Variants in NPC1L1 observed in about 807,000 individuals in gnomAD.
NPC1L1 encodes NPC1-like intracellular cholesterol transporter 1.
Under a neutral mutation model 117.0 loss-of-function variants are expected in NPC1L1, and 98 were observed. That is an observed-to-expected ratio of 0.84 (90% CI 0.71 to 0.99). The LOEUF is 0.99. NPC1L1 is among the 50% of genes least tolerant of loss of function. The pLI is 0.00. For synonymous variants in NPC1L1, 729 were observed against 727.6 expected (o/e 1.00, Z -0.03); for missense variants, 1,540 against 1,710.0 (o/e 0.90, Z 1.75).
chr7:44,526,546 C>CAAAAAAAA (rs372498105), intron 10 of NPC1L1, among the ~76,000 whole-genome samples: 3 of 68,348 alleles, frequency 4.4e-5, no homozygotes, highest in African/African-American at 2.1e-4. Context: ...GACTCCATCT[C>CAAAAAAAA]AAAAAAAAAA....
In NPC1L1 at chr7:44,539,097, C is replaced by T. The variant is rs114375162; in HGVS notation, c.1300G>A (p.Gly434Arg). The change falls in exon 2 of 19, where the codon GGA (glycine) becomes AGA (arginine). Residue 434 changes from glycine to arginine, a missense_variant. Physicochemically the swap from Gly to Arg is moderately radical, Grantham distance 125. This residue lies in a region of NPC1L1 where 793 missense variants were observed against 820.4 expected (regional missense o/e 0.97). Transcript: ENST00000381160. This position sits in a 1 kb window ranked among gnomAD's most constrained non-coding sequence, Gnocchi z 4.4. ...SLLLGPKNFS[G>R]ILDLDLLLEL... The stretch of plus-strand genomic sequence containing the variant: ...AGCAGCAAGTCCAGGTCCAGGATTC[C>T]GCTGAAGTTCTTGGGCCCCAGCAGC... 75 of 1,614,040 alleles carry T rather than the reference C, an allele frequency of 4.6e-5. 1 individual carries two copies. Among genetic ancestry groups the T allele is most frequent in the East Asian group, 3.6e-4 (16 of 44,874 alleles).
chr7:44,532,128 T>C lies in NPC1L1; in HGVS notation c.2499A>G (p.Gln833=). 5 of 1,614,028 alleles carry C rather than the reference T, an allele frequency of 3.1e-6. No homozygotes were observed. The highest frequency in any genetic ancestry group is 4.2e-6 in the Non-Finnish European group (5 of 1,180,000). Residue 833 remains glutamine, a synonymous_variant, in exon 9 of 19, where the codon CAA becomes CAG. Transcript: ENST00000381160. The stretch of plus-strand genomic sequence containing the variant: ...GCAGCAGGAAGGGGGCATAAGCCTT[T>C]TGGAAGAAGCCAAGCAGGAGCCCCT... ...QGEGLLLGFF[Q]KAYAPFLLHW...
chr7:44,540,579 C>A (rs1277006472), intron 1 of NPC1L1, among the ~76,000 whole-genome samples: 2 of 152,048 alleles, frequency 1.3e-5, no homozygotes, highest in Non-Finnish European at 2.9e-5. Flanking sequence ...GAAAGTCATG[C>A]TGGAGAGGCC....
At chr7:44,529,689 T>G (rs1801636642) in intron 10 of NPC1L1, among the ~76,000 whole-genome samples, 1 of 151,082 alleles carries the variant, frequency 6.6e-6, no homozygotes. Flanking sequence ...AAAAAATAAA[T>G]ATTGTATGAG....
Position 44,531,775 on chromosome 7 carries a change from G to A in NPC1L1, c.2617C>T (p.Gln873Ter). Reference protein sequence around the residue: ...SMCHISVGLDQELALPKDSYL... With the variant: ...SMCHISVGLD ...CTCACCTTGGGCAGGGCCAGCTCCT[G>A]GTCCAGTCCCACGCTGATGTGGCAC... is the stretch of plus-strand genomic sequence containing the variant. The change falls in exon 10 of 19, where the codon CAG (glutamine) becomes TAG (stop). Residue 873 changes from glutamine (Q) to a stop codon, truncating the protein, a stop_gained. Coordinates refer to ENST00000381160, the MANE Select transcript of NPC1L1 (RefSeq NM_001101648.2). LOFTEE classifies it high-confidence loss of function. The A allele has an allele frequency of 1.3e-6, 2 of 1,582,476 alleles. No individual in the cohort carries two copies. Among genetic ancestry groups the A allele is most frequent in the South Asian group, 1.2e-5 (1 of 86,128 alleles).
rs1801955521 is a variant in NPC1L1 at position 44,538,112 on chromosome 7, C to A, written c.1580+705G>T. ...ATTTGCCCCTTTTAACTCTCATTTG[C>A]TCTGGAGTATGGAGTACTAAACGTT... is the stretch of plus-strand genomic sequence containing the variant. On this transcript the variant is annotated intron_variant, in intron 2 of 18. Transcript: ENST00000381160. The surrounding 1 kb of genome is among the most constrained non-coding windows in gnomAD (Gnocchi z 5.9). Among the ~76,000 whole-genome samples the A allele has an allele frequency of 6.6e-6, 1 of 152,252 alleles. No homozygotes were observed. Among genetic ancestry groups the A allele is most frequent in the South Asian group, 2.1e-4 (1 of 4,836 alleles).
intron 10 of NPC1L1, among the ~76,000 whole-genome samples, chr7:44,530,852 G>A (rs1801673797): frequency 6.6e-6 from 1 of 152,086 alleles, no homozygotes; most frequent in African/African-American, 2.4e-5. Flanking sequence ...TCCCTCACCT[G>A]GCTTCCAGGA....
rs117124763 is a variant in NPC1L1 at position 44,517,433 on chromosome 7, G to T, written c.3137-76C>A. 5.4e-4 allele frequency: 830 copies of T among 1,546,956 alleles called. 5 individuals are homozygous for T. In the East Asian group the frequency reaches 0.014, roughly 27 times the overall value. On this transcript the variant is annotated intron_variant, in intron 14 of 18. Transcript: ENST00000381160. ...TCCAGGACAACTTCAGAACACCGCAGACGCAGTGGCACAGGCATGTGATCA... is the reference window on the plus strand; with the variant it reads ...TCCAGGACAACTTCAGAACACCGCATACGCAGTGGCACAGGCATGTGATCA...
In NPC1L1 at chr7:44,536,503, C is replaced by T. The variant is rs1801898240; in HGVS notation, c.1682-75G>A. 3 of 1,509,040 alleles carry T rather than the reference C, an allele frequency of 2.0e-6. No individual in the cohort carries two copies. In the East Asian group the frequency reaches 6.8e-5, roughly 34 times the overall value. 93.5% of individuals were successfully genotyped at this position (1,509,040 alleles called of 1,614,324 possible). On this transcript the variant is annotated intron_variant, in intron 3 of 18. Transcript: ENST00000381160. The surrounding 1 kb of genome is among the most constrained non-coding windows in gnomAD (Gnocchi z 4.7). Reference sequence around the variant, plus strand: ...CCCCTCCAGCTGCACCCCTATATTCCCTCCCCCTATCTAGCTGCACCCCTC... The same window carrying T: ...CCCCTCCAGCTGCACCCCTATATTCTCTCCCCCTATCTAGCTGCACCCCTC...
At chr7:44,532,679 C>T (rs1232014730) in intron 8 of NPC1L1, among the ~76,000 whole-genome samples, 1 of 152,194 alleles carries the variant, frequency 6.6e-6, no homozygotes, top group Non-Finnish European at 1.5e-5. Flanking sequence ...CTAACATTTT[C>T]TTTTTTCTTG....
At position 44,539,370 on chromosome 7, in the gene NPC1L1, C is replaced by T. The variant is rs1230434517; in HGVS notation, c.1027G>A (p.Gly343Ser). Residue 343 changes from glycine to serine, a missense_variant, in exon 2 of 19, where the codon GGC (glycine) becomes AGC (serine). Physicochemically the swap from Gly to Ser is moderately conservative, Grantham distance 56 (BLOSUM62 0). Transcript: ENST00000381160. The surrounding 1 kb of genome is among the most constrained non-coding windows in gnomAD (Gnocchi z 4.4). Reference protein sequence around the residue: ...THTLLGQFFQGWGTWVASWPL... With the variant: ...THTLLGQFFQSWGTWVASWPL... ...CACGAAGCCACCCACGTGCCCCAGC[C>T]CTGGAAGAACTGGCCAAGGAGGGTG... 1.9e-6 allele frequency: 3 copies of T among 1,613,650 alleles called. No homozygotes were observed. The highest frequency in any genetic ancestry group is 2.5e-6 in the Non-Finnish European group (3 of 1,179,638).
chr7:44,522,724 C>T (rs1285318117), intron 10 of NPC1L1, among the ~76,000 whole-genome samples: 2 of 152,172 alleles, frequency 1.3e-5, no homozygotes, highest in Non-Finnish European at 2.9e-5. Flanking sequence ...TACACTTATG[C>T]AGGTACAAAC....
In NPC1L1 at chr7:44,534,752, G is replaced by T; in HGVS notation, c.1984-123C>A. 1 of 925,432 alleles carries T rather than the reference G, an allele frequency of 1.1e-6. No individual in the cohort carries two copies. The highest frequency in any genetic ancestry group is 1.7e-6 in the Non-Finnish European group (1 of 603,052). The allele number at this position is 925,432 out of a possible 1,614,324, so 57.3% of individuals were successfully genotyped here. ...TCAGTGCCTGCAGGTGCCCGATACT[G>T]CCCCCAGTGGTGAGGAGCTCACATC... is the stretch of plus-strand genomic sequence containing the variant. On this transcript the variant is annotated intron_variant, in intron 5 of 18. Transcript: ENST00000381160. The surrounding 1 kb of genome is among the most constrained non-coding windows in gnomAD (Gnocchi z 5.2).
chr7:44,533,526 A>C lies in NPC1L1; in HGVS notation c.2314T>G (p.Phe772Val). The C allele has an allele frequency of 6.2e-7, 1 of 1,614,204 alleles. No individual in the cohort carries two copies. Among genetic ancestry groups the C allele is most frequent in the South Asian group, 1.1e-5 (1 of 91,080 alleles). Residue 772 changes from phenylalanine to valine, a missense_variant, in exon 8 of 19, where the codon TTT (phenylalanine) becomes GTT (valine). This residue lies in a region of NPC1L1 where 742 missense variants were observed against 873.6 expected (regional missense o/e 0.85). Transcript: ENST00000381160. ...ACTGCAAGGCCAGAGGTCAGGGCAA[A>C]GGTCCGCACAGCTGGCATGGGGGTC... ...ALTPMPAVRT[F>V]ALTSGLAVIL...
rs1160765047 is a variant in NPC1L1 at position 44,513,638 on chromosome 7, T to G, written c.3808A>C (p.Asn1270His). 1 of 1,613,006 alleles carries G rather than the reference T, an allele frequency of 6.2e-7. No homozygotes were observed. Among genetic ancestry groups the G allele is most frequent in the South Asian group, 1.1e-5 (1 of 91,024 alleles). The part of the protein sequence containing the change: ...VILSYVGPDV[N>H]PALALEQKRA... Reference sequence around the variant, plus strand: ...TTCTGCTCCAGTGCCAGAGCCGGGTTAACGTCAGGCCCTGCGGAGAGACAG... The same window carrying G: ...TTCTGCTCCAGTGCCAGAGCCGGGTGAACGTCAGGCCCTGCGGAGAGACAG... Residue 1270 changes from asparagine to histidine, a missense_variant, in exon 19 of 19, where the codon AAC (asparagine) becomes CAC (histidine). Physicochemically the swap from Asn to His is moderately conservative, Grantham distance 68 (BLOSUM62 1). Around this residue, in one of 3 missense-constraint regions of NPC1L1, gnomAD observed 742 missense variants for 873.6 expected, o/e 0.85. Transcript: ENST00000381160.
intron 10 of NPC1L1, among the ~76,000 whole-genome samples, chr7:44,523,765 G>C (rs1255141830): frequency 6.6e-6 from 1 of 152,192 alleles, no homozygotes; most frequent in African/African-American, 2.4e-5. Context: ...TACTCAGGAG[G>C]CTGAAATAGG....
At chr7:44,529,629 C>T (rs1314612852) in intron 10 of NPC1L1, among the ~76,000 whole-genome samples, 3 of 151,918 alleles carry the variant, frequency 2.0e-5, no homozygotes, top group African/African-American at 7.2e-5. Context: ...CTGCCTGCCT[C>T]AGCCTCCCAA....
At chr7:44,517,068 G>C (rs1291458924) in intron 15 of NPC1L1, 134 bp from the exon 16 acceptor site, 1 of 1,441,176 alleles carries the variant, frequency 6.9e-7, no homozygotes, top group Non-Finnish European at 9.7e-7. Context: ...CTAAGAAATA[G>C]GCCCAAGGCT....
chr7:44,527,710 G>T (rs987152231), intron 10 of NPC1L1, among the ~76,000 whole-genome samples: 1 of 151,842 alleles, frequency 6.6e-6, no homozygotes, highest in Non-Finnish European at 1.5e-5. Context: ...CCTGGCAAAG[G>T]TAAATAAATG....
Sources: gnomAD v4.1 joint callset for allele counts (sites outside exome capture counted in the v4.1 genomes callset) on GRCh38, gnomAD v4.1.1 for gene constraint, gnomAD v4.1.1 regional missense constraint, Gnocchi (gnomAD v3.1) non-coding constraint, MANE v1.5 for transcripts, NCBI Gene and HGNC (gene_info 2026-07-23, HGNC 2026-07-21) for gene names.